Variants in GKAP1 observed in about 807,000 individuals in gnomAD.
GKAP1 encodes G kinase-anchoring protein 1.
In GKAP1, 31 loss-of-function variants were observed where a neutral mutation model predicts 56.7. The ratio of observed to expected loss-of-function variants is 0.55; its 90% confidence interval spans 0.41 to 0.74. The LOEUF is 0.74. Among genes scored for constraint, GKAP1 ranks in the 30% least tolerant of loss-of-function variants. GKAP1 has a pLI of 0.00. For synonymous variants in GKAP1, 151 were observed against 138.6 expected (o/e 1.09, Z -0.63); for missense variants, 364 against 402.3 (o/e 0.90, Z 0.82).
intron 10 of GKAP1, among the ~76,000 whole-genome samples, chr9:83,743,551 C>A (rs149066611): frequency 6.6e-6 from 1 of 151,330 alleles, no homozygotes; most frequent in Admixed American, 6.6e-5. Context: ...GCCAAGCTCA[C>A]GCCACTGGAC....
chr9:83,817,435 G>C (rs1194374038), intron 1 of GKAP1, 82 bp downstream of exon 1: 1 of 151,578 alleles, frequency 6.6e-6, no homozygotes, highest in Non-Finnish European at 1.5e-5. Flanking sequence ...GGGCGCCGAG[G>C]GGAGCGCTGT....
chr9:83,804,549 AGACG>A (rs1944400397), intron 3 of GKAP1, among the ~76,000 whole-genome samples: 1 of 70,246 alleles, frequency 1.4e-5, no homozygotes, highest in Non-Finnish European at 2.8e-5. Context: ...CCGCCCAGCC[AGACG>A]CCCCGTCCGG....
intron 2 of GKAP1, among the ~76,000 whole-genome samples, chr9:83,812,270 CATATATATACACATATATACGTATAT>C (rs1944517870): frequency 6.8e-6 from 1 of 146,484 alleles, no homozygotes; most frequent in Admixed American, 6.9e-5. Context: ...TATATATACA[CATATATATACACATATATACGTATAT>C]ATATACGTAT....
chr9:83,753,060 AAAC>A lies in GKAP1; in HGVS notation c.840+195_840+197del, dbSNP rs113320506. On this transcript the variant is annotated intron_variant, in intron 9 of 12. Coordinates refer to ENST00000376371, the MANE Select transcript of GKAP1 (RefSeq NM_025211.4). ...GGGCAACAGAATGAGACTCCATCTC[AAAC>A]AACAACAACAACAACAACATAAATA... Among the ~76,000 whole-genome samples, 18 of 149,634 alleles carry A rather than the reference AAAC, an allele frequency of 1.2e-4. No homozygotes were observed. The South Asian group carries it at 1.3e-3, about 11-fold the overall frequency.
intron 4 of GKAP1, among the ~76,000 whole-genome samples, chr9:83,796,703 C>T: frequency 1.3e-5 from 2 of 151,838 alleles, no homozygotes; most frequent in African/African-American, 4.8e-5. Context: ...CCGACCTCAG[C>T]TGATCCGCCC....
Position 83,806,349 on chromosome 9 carries a change from CTCT to C in GKAP1, c.166_168del (p.Arg56del). The C allele has an allele frequency of 1.3e-6, 2 of 1,557,154 alleles. No individual in the cohort carries two copies. The highest frequency in any genetic ancestry group is 1.2e-5 in the South Asian group (1 of 84,608). ...TGTTCCTTCTTTTTTCTTCTTTTCTCTCTTTTTTTCTCATTTGTAGTTGACTTG... is the reference window on the plus strand; with the variant it reads ...TGTTCCTTCTTTTTTCTTCTTTTCTCTTTTTTCTCATTTGTAGTTGACTTG... On this transcript the variant is annotated inframe_deletion, in exon 3 of 13. Coordinates refer to ENST00000376371, the MANE Select transcript of GKAP1 (RefSeq NM_025211.4).
intron 3 of GKAP1, among the ~76,000 whole-genome samples, chr9:83,803,251 T>TC (rs1458434550): frequency 1.4e-5 from 2 of 146,540 alleles, no homozygotes; most frequent in Non-Finnish European, 3.1e-5. Flanking sequence ...CTCTCCCCTC[T>TC]CCCTCTCGGT....
intron 8 of GKAP1, among the ~76,000 whole-genome samples, chr9:83,763,399 T>G (rs1404170324): frequency 1.3e-5 from 2 of 152,200 alleles, no homozygotes; most frequent in Non-Finnish European, 2.9e-5. Context: ...TATTAGTCAA[T>G]AATTTAATTG....
intron 5 of GKAP1, among the ~76,000 whole-genome samples, chr9:83,788,313 T>G (rs1383720757): frequency 6.6e-6 from 1 of 152,114 alleles, no homozygotes; most frequent in Non-Finnish European, 1.5e-5. Context: ...TAAAATTAAA[T>G]TAAAATCATC....
intron 2 of GKAP1, among the ~76,000 whole-genome samples, chr9:83,807,159 GTCAGTGTAGCT>G (rs2131324474): frequency 6.6e-6 from 1 of 152,270 alleles, no homozygotes; most frequent in East Asian, 1.9e-4. Flanking sequence ...GCAAGCATAG[GTCAGTGTAGCT>G]TCATTCCATG....
chr9:83,776,407 T>G (rs145332997), intron 7 of GKAP1, among the ~76,000 whole-genome samples: 8 of 151,958 alleles, frequency 5.3e-5, no homozygotes, highest in Non-Finnish European at 1.0e-4. Flanking sequence ...AGAAACAAAA[T>G]AAAAAATTTA....
At chr9:83,815,947 G>T (rs1296444536) in intron 2 of GKAP1, among the ~76,000 whole-genome samples, 2 of 151,302 alleles carry the variant, frequency 1.3e-5, no homozygotes, top group East Asian at 1.9e-4. Flanking sequence ...CAGCACTTTG[G>T]GAGGCAGAGG....
intron 6 of GKAP1, 74 bp from the exon 7 acceptor site, chr9:83,780,478 A>C: frequency 1.2e-6 from 1 of 820,526 alleles, no homozygotes; most frequent in Non-Finnish European, 1.9e-6. Flanking sequence ...AAAAAAAAAA[A>C]AAAACGAAAC....
At chr9:83,801,281 T>C (rs1308475450) in intron 3 of GKAP1, among the ~76,000 whole-genome samples, 1 of 152,110 alleles carries the variant, frequency 6.6e-6, no homozygotes, top group Non-Finnish European at 1.5e-5. Context: ...CATGGAAAGA[T>C]TCTACTCAGA....
intron 4 of GKAP1, among the ~76,000 whole-genome samples, chr9:83,795,528 A>G (rs573242593): frequency 1.3e-5 from 2 of 150,892 alleles, no homozygotes; most frequent in Non-Finnish European, 2.9e-5. Context: ...CATCTCAGAA[A>G]AATTTGCAGA....
At chr9:83,780,250 G>A (rs1310091184) in intron 7 of GKAP1, 132 bp downstream of exon 7, 1 of 554,526 alleles carries the variant, frequency 1.8e-6, no homozygotes, top group Non-Finnish European at 3.3e-6. Flanking sequence ...AAACATGACT[G>A]GGTTCACTCA....
intron 8 of GKAP1, among the ~76,000 whole-genome samples, chr9:83,763,485 A>C (rs777198326): frequency 6.6e-6 from 1 of 152,226 alleles, no homozygotes; most frequent in Non-Finnish European, 1.5e-5. Flanking sequence ...AGATGTGATT[A>C]TGTAAGCATT....
intron 10 of GKAP1, among the ~76,000 whole-genome samples, chr9:83,745,487 CTGT>C (rs1943277748): frequency 6.6e-6 from 1 of 152,174 alleles, no homozygotes; most frequent in African/African-American, 2.4e-5. Context: ...GCTATGGACA[CTGT>C]TGTTACTGAT....
intron 3 of GKAP1, among the ~76,000 whole-genome samples, chr9:83,804,735 C>T (rs1366844613): frequency 1.3e-5 from 2 of 149,496 alleles, no homozygotes; most frequent in African/African-American, 2.5e-5. Flanking sequence ...GTCAGCCCCC[C>T]GCCGGGCCAG....
Sources: gnomAD v4.1 joint callset for allele counts (sites outside exome capture counted in the v4.1 genomes callset) on GRCh38, gnomAD v4.1.1 for gene constraint, MANE v1.5 for transcripts, NCBI Gene and HGNC (gene_info 2026-07-23, HGNC 2026-07-21) for gene names.